ZNF385B: variants seen among roughly 807,000 people sequenced by gnomAD.
ZNF385B encodes zinc finger protein 385B.
A neutral mutation model predicts 39.2 loss-of-function variants in ZNF385B; 23 were observed. That is an observed-to-expected ratio of 0.59 (90% CI 0.42 to 0.83). The LOEUF is 0.83. Among genes scored for constraint, ZNF385B ranks in the 40% least tolerant of loss-of-function variants. ZNF385B has a pLI of 0.00. For missense variants in ZNF385B, 552 were observed against 598.9 expected, an observed-to-expected ratio of 0.92 and a Z score of 0.82; for synonymous variants, 205 against 222.6, an observed-to-expected ratio of 0.92 and a Z score of 0.70.
In ZNF385B at chr2:179,842,185, T is replaced by A. The variant is rs539174115; in HGVS notation, c.-155+18916A>T. Among the ~76,000 whole-genome samples the A allele has an allele frequency of 9.8e-5, 15 of 152,346 alleles. No homozygotes were observed. The South Asian group carries it at 1.9e-3, about 19-fold the overall frequency. ...AGTAAGTGGTGGTTTTTACTATGTA[T>A]ATAAACACCCCTGGGATTAGTTCCA... On this transcript the variant is annotated intron_variant, in intron 1 of 9. Transcript: ENST00000410066.
At chr2:179,720,187 CA>C (rs1245095719) in intron 3 of ZNF385B, among the ~76,000 whole-genome samples, 1 of 151,888 alleles carries the variant, frequency 6.6e-6, no homozygotes, top group East Asian at 1.9e-4. Context: ...AGGGTAAATC[CA>C]AAAACATATC....
At chr2:179,786,153 A>G (rs1055022654) in intron 1 of ZNF385B, among the ~76,000 whole-genome samples, 2 of 152,138 alleles carry the variant, frequency 1.3e-5, no homozygotes, top group African/African-American at 4.8e-5. Context: ...ATATTTTTCA[A>G]TTAAGGTATG....
chr2:179,659,267 A>G (rs2106271151), intron 3 of ZNF385B, among the ~76,000 whole-genome samples: 1 of 152,328 alleles, frequency 6.6e-6, no homozygotes, highest in East Asian at 1.9e-4. Context: ...GTACTTACCA[A>G]TAGATTCTCT....
chr2:179,654,058 G>A (rs1575098756), intron 3 of ZNF385B, among the ~76,000 whole-genome samples: 1 of 152,248 alleles, frequency 6.6e-6, no homozygotes, highest in Middle Eastern at 3.4e-3. Flanking sequence ...CTTGGATTTG[G>A]TGACAGAGGT....
At chr2:179,724,127 G>A (rs917979390) in intron 3 of ZNF385B, among the ~76,000 whole-genome samples, 5 of 152,012 alleles carry the variant, frequency 3.3e-5, no homozygotes, top group Non-Finnish European at 7.4e-5. Context: ...TGATCAATAT[G>A]GTGAAACCCC....
At chr2:179,537,758 C>CCAAAAA (rs2059671475) in intron 4 of ZNF385B, among the ~76,000 whole-genome samples, 1 of 99,754 alleles carries the variant, frequency 1.0e-5, no homozygotes. Flanking sequence ...AACAAACAAA[C>CCAAAAA]AAACAAACAA....
At chr2:179,804,076 C>G (rs17831624) in intron 1 of ZNF385B, among the ~76,000 whole-genome samples, 6,612 of 152,264 alleles carry the variant, frequency 0.043, 205 homozygotes, top group Non-Finnish European at 0.066. Context: ...TTCTGCTTAT[C>G]ATCATCTTTG....
At chr2:179,606,671 T>C (rs888419499) in intron 3 of ZNF385B, among the ~76,000 whole-genome samples, 1 of 152,182 alleles carries the variant, frequency 6.6e-6, no homozygotes, top group Non-Finnish European at 1.5e-5. Context: ...TGCCAAAATA[T>C]ATTATTTCAT....
At chr2:179,850,670 T>G (rs543587320) in intron 1 of ZNF385B, among the ~76,000 whole-genome samples, 17 of 152,158 alleles carry the variant, frequency 1.1e-4, no homozygotes, top group Non-Finnish European at 1.9e-4. Context: ...GTGTGGGAGA[T>G]TCACAAAGAT....
intron 3 of ZNF385B, among the ~76,000 whole-genome samples, chr2:179,730,269 A>G (rs2106426270): frequency 6.6e-6 from 1 of 152,282 alleles, no homozygotes; most frequent in African/African-American, 2.4e-5. Flanking sequence ...GACAAATCAT[A>G]TTACCACCAC....
At chr2:179,462,745 C>A (rs2051483153) in intron 6 of ZNF385B, among the ~76,000 whole-genome samples, 1 of 152,114 alleles carries the variant, frequency 6.6e-6, no homozygotes, top group South Asian at 2.1e-4. Flanking sequence ...AATGGGACTA[C>A]ACCTATCTAA....
chr2:179,598,811 A>C (rs1688195688), intron 3 of ZNF385B, among the ~76,000 whole-genome samples: 1 of 152,198 alleles, frequency 6.6e-6, no homozygotes, highest in African/African-American at 2.4e-5. Flanking sequence ...TATTAGCCTT[A>C]ACTTTATTGT....
intron 3 of ZNF385B, among the ~76,000 whole-genome samples, chr2:179,692,731 A>G (rs893003701): frequency 9.2e-5 from 14 of 152,142 alleles, no homozygotes; most frequent in Admixed American, 2.0e-4. Context: ...CTGAGAGACC[A>G]TCTCTCAAAA....
chr2:179,637,272 T>A (rs1691847331), intron 3 of ZNF385B: 1 of 152,194 alleles, frequency 6.6e-6, no homozygotes, highest in Admixed American at 6.5e-5. Context: ...GCAGTAATGC[T>A]CGGCATCCCG....
intron 3 of ZNF385B, among the ~76,000 whole-genome samples, chr2:179,603,156 G>A (rs1315284180): frequency 6.6e-6 from 1 of 152,180 alleles, no homozygotes; most frequent in Non-Finnish European, 1.5e-5. Flanking sequence ...TAGGACAAAT[G>A]TGGATTCAAG....
chr2:179,545,871 A>G (rs2060200155), intron 3 of ZNF385B, among the ~76,000 whole-genome samples: 1 of 152,104 alleles, frequency 6.6e-6, no homozygotes, highest in Admixed American at 6.6e-5. Context: ...CATCCCCTCA[A>G]GCATTTATCC....
intron 3 of ZNF385B, among the ~76,000 whole-genome samples, chr2:179,587,479 A>T (rs1687182137): frequency 6.6e-6 from 1 of 152,198 alleles, no homozygotes; most frequent in South Asian, 2.1e-4. Flanking sequence ...CCACAGTAAA[A>T]CAGAGCACTT....
chr2:179,517,926 GA>G (rs577593610), intron 5 of ZNF385B, among the ~76,000 whole-genome samples: 1 of 152,000 alleles, frequency 6.6e-6, no homozygotes, highest in South Asian at 2.1e-4. Context: ...TATGTTCTGG[GA>G]AAAATATAGG....
intron 9 of ZNF385B, 76 bp from the exon 10 acceptor site, chr2:179,443,544 A>G (rs1328399608): frequency 2.3e-5 from 25 of 1,091,044 alleles, no homozygotes; most frequent in Non-Finnish European, 3.3e-5. Flanking sequence ...TCTTTTCATA[A>G]GTAAAACACC....
Sources: gnomAD v4.1 joint callset for allele counts (sites outside exome capture counted in the v4.1 genomes callset) on GRCh38, gnomAD v4.1.1 for gene constraint, MANE v1.5 for transcripts, NCBI Gene and HGNC (gene_info 2026-07-23, HGNC 2026-07-21) for gene names.